FBXO39: variants seen among roughly 807,000 people sequenced by gnomAD.
FBXO39 encodes the protein F-box protein 39.
FBXO39 carries 22 observed loss-of-function variants against 36.6 expected under a neutral mutation model. The observed-to-expected ratio is 0.60, with a 90% CI of 0.43 to 0.86. FBXO39 has a LOEUF of 0.86. FBXO39 is among the 40% of genes least tolerant of loss of function. The pLI is 0.00. For synonymous variants in FBXO39, 206 were observed against 205.8 expected, an observed-to-expected ratio of 1.00 and a Z score of -0.01; for missense variants, 536 against 543.9, an observed-to-expected ratio of 0.99 and a Z score of 0.14.
rs1976526921 is a variant in FBXO39 at position 6,782,991 on chromosome 17, G to T, written c.1023+2100G>T. Reference sequence around the variant, plus strand: ...CACACACTCTTCTCTTTAGCACATGGATCATTCACAAGAATAGGCCATATG... The same window carrying T: ...CACACACTCTTCTCTTTAGCACATGTATCATTCACAAGAATAGGCCATATG... On this transcript the variant is annotated intron_variant, in intron 2 of 3. Coordinates refer to ENST00000321535, the MANE Select transcript of FBXO39 (RefSeq NM_153230.3). 2.0e-5 allele frequency among the ~76,000 whole-genome samples: 3 copies of T among 152,172 alleles called. No homozygotes were observed. The South Asian group carries it at 6.2e-4, about 32-fold the overall frequency.
chr17:6,787,243 T>C (rs1976583863), intron 3 of FBXO39, 57 bp from the exon 4 acceptor site: 16 of 1,574,844 alleles, frequency 1.0e-5, no homozygotes, highest in Non-Finnish European at 1.2e-5. Context: ...TGTGTATGTG[T>C]GTGTGTGTGT....
At chr17:6,784,588 T>C (rs1438441181) in intron 2 of FBXO39, among the ~76,000 whole-genome samples, 1 of 152,004 alleles carries the variant, frequency 6.6e-6, no homozygotes, top group Admixed American at 6.6e-5. Flanking sequence ...AAAATCAACA[T>C]ATAAAAATCA....
At chr17:6,785,281 G>T (rs1427074217) in intron 2 of FBXO39, among the ~76,000 whole-genome samples, 1 of 152,078 alleles carries the variant, frequency 6.6e-6, no homozygotes, top group African/African-American at 2.4e-5. Flanking sequence ...TAGGAAAACT[G>T]GATAGCCATA....
rs749316435 is a variant in FBXO39, at chr17:6,780,417, C to T, written c.549C>T (p.Leu183=). The T allele has an allele frequency of 6.2e-6, 10 of 1,613,972 alleles. No homozygotes were observed. In the South Asian group the frequency reaches 7.7e-5, roughly 12 times the overall value. Residue 183 remains leucine, a synonymous_variant, in exon 2 of 4, where the codon CTC becomes CTT. Transcript: ENST00000321535. ...RLTVEQGCQI[L]DSLSYMRNEN... ...CCGTGGAGCAAGGCTGCCAAATTCT[C>T]GACTCCCTCAGCTACATGAGGAATG...
At chr17:6,780,965 C>T in intron 2 of FBXO39, 74 bp downstream of exon 2, 1 of 1,453,756 alleles carries the variant, frequency 6.9e-7, no homozygotes, top group Non-Finnish European at 9.3e-7. Flanking sequence ...CTGCTGCCTG[C>T]TCTTGGCTAG....
At chr17:6,781,766 C>G (rs1976511209) in intron 2 of FBXO39, among the ~76,000 whole-genome samples, 1 of 152,180 alleles carries the variant, frequency 6.6e-6, no homozygotes, top group Non-Finnish European at 1.5e-5. Context: ...AAATCTCTTC[C>G]TCTAAGAACT....
intron 2 of FBXO39, among the ~76,000 whole-genome samples, chr17:6,785,222 C>A (rs182640620): frequency 6.6e-6 from 1 of 152,054 alleles, no homozygotes; most frequent in East Asian, 1.9e-4. Flanking sequence ...ACAAAGATGC[C>A]AAAACCATAC....
At position 6,787,510 on chromosome 17, in the gene FBXO39, G is replaced by A. The variant is rs4239266; in HGVS notation, c.*82G>A. 0.31 allele frequency: 472,446 copies of A among 1,528,624 alleles called. 77,602 individuals carry two copies. The highest frequency in any genetic ancestry group is 0.61 in the East Asian group (26,768 of 43,658). 94.7% of individuals were successfully genotyped at this position (1,528,624 alleles called of 1,614,324 possible). On this transcript the variant is annotated 3_prime_UTR_variant, in exon 4 of 4. Coordinates refer to ENST00000321535, the MANE Select transcript of FBXO39 (RefSeq NM_153230.3). ...CTTAGAACTACACTTGGGCACTGCC[G>A]GCCCTTTTGCTCCTCTCTCTCCCCT...
In FBXO39 at chr17:6,779,985, T is replaced by G; in HGVS notation, c.117T>G (p.Ala39=). The part of the protein sequence containing the change: ...WWLGDRDRSR[A]ALVCRKWNQM... ...TAGGAGACAGGGACAGGTCCAGGGC[T>G]GCTCTTGTCTGCAGAAAGTGGAACC... The change falls in exon 2 of 4, where the codon GCT becomes GCG. Residue 39 remains alanine, a synonymous_variant. Coordinates refer to ENST00000321535, the MANE Select transcript of FBXO39 (RefSeq NM_153230.3). 1 of 1,614,246 alleles carries G rather than the reference T, an allele frequency of 6.2e-7. No homozygotes were observed. The highest frequency in any genetic ancestry group is 8.5e-7 in the Non-Finnish European group (1 of 1,180,046).
Position 6,779,957 on chromosome 17 carries a change from G to A in FBXO39, c.89G>A (p.Trp30Ter). The A allele has an allele frequency of 6.2e-7, 1 of 1,614,208 alleles. No homozygotes were observed. Among genetic ancestry groups the A allele is most frequent in the Non-Finnish European group, 8.5e-7 (1 of 1,180,044 alleles). Residue 30 changes from tryptophan to a stop codon, truncating the protein, a stop_gained, in exon 2 of 4, where the codon TGG (tryptophan) becomes TAG (stop). Coordinates refer to ENST00000321535, the MANE Select transcript of FBXO39 (RefSeq NM_153230.3). LOFTEE classifies it high-confidence loss of function. ...TTGTGTCTGTGCCGTGTTTTCTGGT[G>A]GCTAGGAGACAGGGACAGGTCCAGG... ...PDLCLCRVFW[W>*]LGDRDRSRAA...
rs61753143 is a variant in FBXO39 at position 6,779,890 on chromosome 17, A to T, written c.22A>T (p.Ile8Phe). The change falls in exon 2 of 4, where the codon ATC (isoleucine) becomes TTC (phenylalanine). Residue 8 changes from isoleucine to phenylalanine, a missense_variant. Physicochemically the swap from Ile to Phe is conservative, Grantham distance 21 (BLOSUM62 0). Coordinates refer to ENST00000321535, the MANE Select transcript of FBXO39 (RefSeq NM_153230.3). Reference sequence around the variant, plus strand: ...CTGGATGGACGAAGAAAGTGAACTGATCCAGCCCCAAGACCAGAGCTGCTG... The same window carrying T: ...CTGGATGGACGAAGAAAGTGAACTGTTCCAGCCCCAAGACCAGAGCTGCTG... MDEESEL[I>F]QPQDQSCWAF... 7,079 of 1,614,160 alleles carry T rather than the reference A, an allele frequency of 4.4e-3. 19 individuals are homozygous for T. Among genetic ancestry groups the T allele is most frequent in the Non-Finnish European group, 5.6e-3 (6,644 of 1,180,028 alleles).
intron 1 of FBXO39, among the ~76,000 whole-genome samples, chr17:6,777,025 C>G (rs1467657887): frequency 6.6e-6 from 1 of 152,094 alleles, no homozygotes; most frequent in Non-Finnish European, 1.5e-5. Context: ...CTTACAGCAC[C>G]AGTGTCTGAT....
At position 6,780,661 on chromosome 17, in the gene FBXO39, G is replaced by A. The variant is rs202030641; in HGVS notation, c.793G>A (p.Gly265Arg). The stretch of plus-strand genomic sequence containing the variant: ...CAAATGCCACGTTCATGACCCCCAC[G>A]GACAGGTCATCTGGGGTATGTCCTG... The part of the protein sequence containing the change: ...NIKCHVHDPH[G>R]QVIWGMSWAK... Residue 265 changes from glycine to arginine, a missense_variant, in exon 2 of 4, where the codon GGA becomes AGA. Physicochemically the swap from Gly to Arg is moderately radical, Grantham distance 125. Coordinates refer to ENST00000321535, the MANE Select transcript of FBXO39 (RefSeq NM_153230.3). The A allele has an allele frequency of 2.0e-5, 33 of 1,614,046 alleles. No individual in the cohort carries two copies. The Admixed American group carries it at 2.3e-4, about 11-fold the overall frequency.
intron 2 of FBXO39, among the ~76,000 whole-genome samples, chr17:6,784,953 G>GTGTATATATATATATATA (rs1302291142): frequency 3.5e-5 from 4 of 113,888 alleles, no homozygotes; most frequent in African/African-American, 1.1e-4. Context: ...GTGTGTGTGT[G>GTGTATATATATATATATA]TATATATATA....
Position 6,787,462 on chromosome 17 carries a change from C to T in FBXO39, c.*34C>T, listed in dbSNP as rs199531350. The T allele has an allele frequency of 1.2e-5, 20 of 1,610,206 alleles. No homozygotes were observed. In the East Asian group the frequency reaches 4.5e-4, roughly 36 times the overall value. On this transcript the variant is annotated 3_prime_UTR_variant, in exon 4 of 4. Transcript: ENST00000321535. ...CTACAGATGAAGAAAGCTGGGAGCA[C>T]TTTGAACTTGAAAATCATTTCTCTT...
At chr17:6,776,789 A>C (rs1976422434) in intron 1 of FBXO39, among the ~76,000 whole-genome samples, 2 of 152,126 alleles carry the variant, frequency 1.3e-5, no homozygotes, top group Non-Finnish European at 2.9e-5. Flanking sequence ...ACACTAAGAG[A>C]AAGGCACTAT....
At position 6,780,699 on chromosome 17, in the gene FBXO39, C is replaced by T. The variant is rs777083271; in HGVS notation, c.831C>T (p.Ala277=). 2.5e-6 allele frequency: 4 copies of T among 1,614,134 alleles called. No individual in the cohort carries two copies. The highest frequency in any genetic ancestry group is 3.4e-6 in the Non-Finnish European group (4 of 1,180,024). Residue 277 remains alanine (A), a synonymous_variant, in exon 2 of 4, where the codon GCC becomes GCT. Coordinates refer to ENST00000321535, the MANE Select transcript of FBXO39 (RefSeq NM_153230.3). ...VIWGMSWAKL[A]RQATNLKVNF... is the part of the protein sequence containing the mutation. ...GGGGTATGTCCTGGGCCAAGCTGGC[C>T]AGGCAGGCCACCAATCTGAAGGTGA...
chr17:6,787,266 G>C, intron 3 of FBXO39, 34 bp from the exon 4 acceptor site: 1 of 1,598,330 alleles, frequency 6.3e-7, no homozygotes. Flanking sequence ...GTGTGTGCGT[G>C]CTCATATGTG....
intron 2 of FBXO39, among the ~76,000 whole-genome samples, chr17:6,782,093 C>A (rs1976515126): frequency 6.6e-6 from 1 of 151,972 alleles, no homozygotes; most frequent in Non-Finnish European, 1.5e-5. Flanking sequence ...CAGTAAGATA[C>A]AAACAGAAAT....
Sources: gnomAD v4.1 joint callset for allele counts (sites outside exome capture counted in the v4.1 genomes callset) on GRCh38, gnomAD v4.1.1 for gene constraint, MANE v1.5 for transcripts, NCBI Gene and HGNC (gene_info 2026-07-23, HGNC 2026-07-21) for gene names.